ATF7IP: variants seen among roughly 807,000 people sequenced by gnomAD.
ATF7IP encodes activating transcription factor 7 interacting protein.
ATF7IP carries 23 observed loss-of-function variants against 106.4 expected under a neutral mutation model. The observed-to-expected ratio is 0.22, with a 90% CI of 0.16 to 0.31. The LOEUF (loss-of-function observed/expected upper bound fraction) is 0.31. Ranked by LOEUF, ATF7IP falls within the 10% of genes least tolerant of loss-of-function variation. ATF7IP has a pLI of 1.00. For synonymous variants in ATF7IP, 542 were observed against 539.0 expected (o/e 1.01, Z -0.08); for missense variants, 1,334 against 1,524.3 (o/e 0.88, Z 2.08).
chr12:14,397,158 G>T (rs893002741), intron 1 of ATF7IP, among the ~76,000 whole-genome samples: 4 of 151,966 alleles, frequency 2.6e-5, no homozygotes, highest in Admixed American at 6.6e-5. Context: ...GCGAAACTCC[G>T]TCTCTAAAAA....
At chr12:14,423,143 T>A (rs1401434852) in intron 1 of ATF7IP, among the ~76,000 whole-genome samples, 1 of 152,206 alleles carries the variant, frequency 6.6e-6, no homozygotes, top group Non-Finnish European at 1.5e-5. Context: ...TGTCTCATGA[T>A]GTTTATTGCT....
chr12:14,489,836 C>G (rs1190868091), intron 13 of ATF7IP, among the ~76,000 whole-genome samples: 1 of 152,116 alleles, frequency 6.6e-6, no homozygotes, highest in Non-Finnish European at 1.5e-5. Context: ...TGTGGAATAC[C>G]ATGGCATTCT....
intron 11 of ATF7IP, among the ~76,000 whole-genome samples, chr12:14,477,654 A>G (rs927721224): frequency 2.0e-5 from 3 of 152,252 alleles, no homozygotes; most frequent in Non-Finnish European, 2.9e-5. Flanking sequence ...CAATGGCATT[A>G]AAGTATCCAT....
intron 1 of ATF7IP, chr12:14,385,536 A>G (rs976198674): frequency 4.7e-5 from 34 of 719,668 alleles, no homozygotes; most frequent in Admixed American, 8.4e-5. Context: ...AGAACCTTTA[A>G]GCCTTTATTA....
intron 5 of ATF7IP, among the ~76,000 whole-genome samples, chr12:14,442,129 T>C (rs1321804369): frequency 1.3e-5 from 2 of 152,228 alleles, no homozygotes; most frequent in Non-Finnish European, 2.9e-5. Context: ...ATTGATTTTT[T>C]CCTGGTATAT....
intron 6 of ATF7IP, among the ~76,000 whole-genome samples, chr12:14,450,023 T>C (rs765010850): frequency 5.9e-5 from 9 of 152,198 alleles, no homozygotes; most frequent in Non-Finnish European, 1.2e-4. Flanking sequence ...TTTTTGCAGG[T>C]TGATTTTGTA....
chr12:14,391,266 G>C (rs1939531549), intron 1 of ATF7IP, among the ~76,000 whole-genome samples: 1 of 152,200 alleles, frequency 6.6e-6, no homozygotes, highest in Non-Finnish European at 1.5e-5. Context: ...TTTAGTGAAA[G>C]AGGGACCTTA....
intron 1 of ATF7IP, among the ~76,000 whole-genome samples, chr12:14,413,365 G>T (rs925420320): frequency 6.6e-6 from 1 of 152,174 alleles, no homozygotes; most frequent in Non-Finnish European, 1.5e-5. Flanking sequence ...ATTGGGGAGG[G>T]AGTCTACTCT....
At chr12:14,464,179 A>G (rs1467111008) in intron 9 of ATF7IP, among the ~76,000 whole-genome samples, 3 of 152,062 alleles carry the variant, frequency 2.0e-5, no homozygotes, top group Non-Finnish European at 2.9e-5. Context: ...TGGCATGGTG[A>G]TACATGCCTG....
intron 10 of ATF7IP, among the ~76,000 whole-genome samples, chr12:14,470,865 T>G (rs1402139183): frequency 6.6e-6 from 1 of 152,222 alleles, no homozygotes; most frequent in Non-Finnish European, 1.5e-5. Flanking sequence ...TCTGTCAGTT[T>G]ATGATCAATA....
At chr12:14,490,720 G>A (rs929617148) in intron 13 of ATF7IP, among the ~76,000 whole-genome samples, 7 of 152,154 alleles carry the variant, frequency 4.6e-5, no homozygotes, top group Non-Finnish European at 1.0e-4. Context: ...GGGAAGACAA[G>A]GCAGGGTGTC....
rs150741085 is a variant in ATF7IP at position 14,401,931 on chromosome 12, C to T, written c.-7-21978C>T. ...GTTTTACCTTGTTGTCCAGGCTGGT[C>T]TCTAACTCCTGACCTCGTGATGCGC... On this transcript the variant is annotated intron_variant, in intron 1 of 14. Transcript: ENST00000261168. 5.2e-4 allele frequency among the ~76,000 whole-genome samples: 79 copies of T among 151,306 alleles called. No homozygotes were observed. In the East Asian group the frequency reaches 0.015, roughly 29 times the overall value.
chr12:14,381,782 C>T (rs972715413), intron 1 of ATF7IP, among the ~76,000 whole-genome samples: 2 of 151,632 alleles, frequency 1.3e-5, no homozygotes, highest in African/African-American at 4.8e-5. Flanking sequence ...TCTTTAGATT[C>T]TATAGTTTTC....
rs562907680 is a variant in ATF7IP, at chr12:14,499,877, A to G, written c.*1804A>G. On this transcript the variant is annotated 3_prime_UTR_variant, in exon 15 of 15. Transcript: ENST00000261168. ...TTTGAGGTCATTTTATGTAACAATT[A>G]GATATAACCTCCTGTGTATCTCTCT... 2 of 152,308 alleles carry G rather than the reference A, an allele frequency of 1.3e-5. No homozygotes were observed. Among genetic ancestry groups the G allele is most frequent in the South Asian group, 4.1e-4 (2 of 4,830 alleles). 9.4% of individuals were successfully genotyped at this position (152,308 alleles called of 1,614,324 possible).
Position 14,486,002 on chromosome 12 carries a change from A to G in ATF7IP, c.3280+4817A>G, listed in dbSNP as rs192877208. Among the ~76,000 whole-genome samples the G allele has an allele frequency of 3.2e-4, 48 of 152,184 alleles. 1 individual carries two copies. Among genetic ancestry groups the G allele is most frequent in the African/African-American group, 1.1e-3 (46 of 41,510 alleles). ...TATGGGATATAGTTTTTGATTTACT[A>G]TTTTTTAGAGGCAGCTCTAATGGCT... On this transcript the variant is annotated intron_variant, in intron 13 of 14. Transcript: ENST00000261168.
chr12:14,502,580 C>G lies in ATF7IP; in HGVS notation c.*4507C>G, dbSNP rs1481416119. ...TTTGTAAATAAGGTAACTGGGCAAT[C>G]AAACACCTTTTGGGGATTCTGGCTT... On this transcript the variant is annotated 3_prime_UTR_variant, in exon 15 of 15. Coordinates refer to ENST00000261168, the MANE Select transcript of ATF7IP (RefSeq NM_018179.5). The G allele has an allele frequency of 2.0e-5, 3 of 152,060 alleles. No individual in the cohort carries two copies. Among genetic ancestry groups the G allele is most frequent in the African/African-American group, 7.2e-5 (3 of 41,410 alleles). 9.4% of individuals were successfully genotyped at this position (152,060 alleles called of 1,614,324 possible). A position where few individuals can be genotyped will look rare whatever the true frequency, so the allele number is the denominator to read the frequency against.
At chr12:14,366,959 T>A (rs1938325320) in intron 1 of ATF7IP, among the ~76,000 whole-genome samples, 1 of 152,172 alleles carries the variant, frequency 6.6e-6, no homozygotes, top group Admixed American at 6.5e-5. Flanking sequence ...GGAAGGTAAT[T>A]ATAAATATGC....
chr12:14,400,627 T>C (rs1940140679), intron 1 of ATF7IP, among the ~76,000 whole-genome samples: 2 of 152,176 alleles, frequency 1.3e-5, no homozygotes, highest in Non-Finnish European at 2.9e-5. Flanking sequence ...TCTATGACAG[T>C]GCAGCACTAG....
intron 8 of ATF7IP, among the ~76,000 whole-genome samples, 195 bp downstream of exon 8, chr12:14,457,490 T>C (rs1565528759): frequency 1.3e-5 from 2 of 152,106 alleles, no homozygotes; most frequent in Non-Finnish European, 2.9e-5. Flanking sequence ...CTTAGGAGGC[T>C]GAGGAGGATT....
Sources: allele counts gnomAD v4.1 joint callset (sites outside exome capture counted in the v4.1 genomes callset), GRCh38; gene constraint gnomAD v4.1.1; transcripts MANE v1.5; gene names NCBI Gene and HGNC (gene_info 2026-07-23, HGNC 2026-07-21).